Variants in PIWIL1 observed in about 807,000 individuals in gnomAD.
PIWIL1 encodes piwi-like protein 1.
Under a neutral mutation model 114.4 loss-of-function variants are expected in PIWIL1, and 73 were observed. That is an observed-to-expected ratio of 0.64 (90% CI 0.53 to 0.78). PIWIL1 has a LOEUF of 0.78. PIWIL1 is among the 30% of genes least tolerant of loss of function. The pLI is 0.00. For missense variants in PIWIL1, 723 were observed against 1,063.1 expected (o/e 0.68, Z 4.45); for synonymous variants, 375 against 369.0 (o/e 1.02, Z -0.19).
rs34275838 is a variant in PIWIL1, at chr12:130,357,502, T to G, written c.1614T>G (p.Thr538=). ...CTAGGATTGAAGTGGATGACAGAAC[T>G]GAAGCCTACTTAAGAGTCTTACAGC... ...KAIMIEVDDR[T]EAYLRVLQQK... The change falls in exon 14 of 21, where the codon ACT becomes ACG. Residue 538 remains threonine (T), a synonymous_variant. Transcript: ENST00000245255. The G allele has an allele frequency of 1.9e-6, 3 of 1,613,328 alleles. No homozygotes were observed. The highest frequency in any genetic ancestry group is 1.7e-5 in the Admixed American group (1 of 59,990).
chr12:130,392,168 T>C, the PIWIL1 span, among the ~76,000 whole-genome samples: 738 of 99,492 alleles, frequency 7.4e-3, 5 homozygotes, highest in Non-Finnish European at 9.9e-3. Context: ...GAATATTGAA[T>C]GTTGTGATGA....
At chr12:130,356,448 C>G (rs576281067) in intron 12 of PIWIL1, among the ~76,000 whole-genome samples, 3 of 152,220 alleles carry the variant, frequency 2.0e-5, no homozygotes, top group Non-Finnish European at 4.4e-5. Context: ...CGGGCTGCTC[C>G]CTGTGATGAC....
chr12:130,363,731 C>T (rs1273961932), intron 18 of PIWIL1, among the ~76,000 whole-genome samples: 2 of 150,962 alleles, frequency 1.3e-5, no homozygotes, highest in Non-Finnish European at 2.9e-5. Flanking sequence ...GATTCTCCTG[C>T]CCCAGCCTCC....
chr12:130,386,141 A>C, the PIWIL1 span, among the ~76,000 whole-genome samples: 1 of 152,158 alleles, frequency 6.6e-6, no homozygotes, highest in African/African-American at 2.4e-5. Flanking sequence ...TTTGGATGCC[A>C]TGGGAGAAGT....
At chr12:130,412,501 C>T in the PIWIL1 span, 2 of 956,732 alleles carry the variant, frequency 2.1e-6, no homozygotes, top group Non-Finnish European at 3.2e-6. Context: ...ATTTACATGA[C>T]TTTGGCATAT....
chr12:130,406,490 G>T, the PIWIL1 span, among the ~76,000 whole-genome samples: 17 of 152,278 alleles, frequency 1.1e-4, no homozygotes, highest in African/African-American at 3.8e-4. Context: ...CAAAATTCAA[G>T]ATTATTACCA....
At chr12:130,393,581 C>T in the PIWIL1 span, among the ~76,000 whole-genome samples, 8 of 152,276 alleles carry the variant, frequency 5.3e-5, no homozygotes, top group South Asian at 2.1e-4. Flanking sequence ...ACCATCCTCA[C>T]GTGTGTGTGT....
chr12:130,345,682 A>C, intron 3 of PIWIL1, 71 bp from the exon 4 acceptor site: 1 of 1,513,226 alleles, frequency 6.6e-7, no homozygotes. Context: ...ACATAATAGC[A>C]CTATGGGAGT....
the PIWIL1 span, among the ~76,000 whole-genome samples, chr12:130,402,769 C>T: frequency 3.9e-5 from 6 of 152,342 alleles, no homozygotes; most frequent in Non-Finnish European, 7.3e-5. Context: ...GTCAGTGAGA[C>T]ATCCACTCGT....
At chr12:130,424,114 C>G in the PIWIL1 span, 1 of 1,166,750 alleles carries the variant, frequency 8.6e-7, no homozygotes, top group Non-Finnish European at 1.1e-6. This position sits in a 1 kb window ranked among gnomAD's most constrained non-coding sequence, Gnocchi z 9.8. Context: ...TGGCAAGCGG[C>G]TGTGAAAAGG....
At chr12:130,380,466 A>G in the PIWIL1 span, among the ~76,000 whole-genome samples, 2 of 152,252 alleles carry the variant, frequency 1.3e-5, no homozygotes, top group Non-Finnish European at 2.9e-5. Context: ...TCTGAAACCA[A>G]GAGGACCACT....
intron 9 of PIWIL1, 117 bp downstream of exon 9, chr12:130,350,084 T>A: frequency 1.7e-6 from 1 of 590,748 alleles, no homozygotes; most frequent in Admixed American, 3.3e-5. Flanking sequence ...AATGTATTTG[T>A]TAGGGCAATC....
At chr12:130,352,804 G>C (rs1033203142) in intron 9 of PIWIL1, among the ~76,000 whole-genome samples, 5 of 152,120 alleles carry the variant, frequency 3.3e-5, no homozygotes, top group Admixed American at 6.5e-5. Flanking sequence ...GGGTGAGAGA[G>C]GACACATTTC....
At chr12:130,414,975 C>A in the PIWIL1 span, among the ~76,000 whole-genome samples, 2 of 152,214 alleles carry the variant, frequency 1.3e-5, no homozygotes, top group East Asian at 3.9e-4. Flanking sequence ...TACCAACATA[C>A]AAAGAAGAGC....
chr12:130,391,764 G>A, the PIWIL1 span, among the ~76,000 whole-genome samples: 1 of 147,946 alleles, frequency 6.8e-6, no homozygotes, highest in East Asian at 2.0e-4. Context: ...GCCAGAGAGG[G>A]GTGAGGATGC....
At chr12:130,424,913 A>T in the PIWIL1 span, 1 of 1,068,166 alleles carries the variant, frequency 9.4e-7, no homozygotes, top group Non-Finnish European at 1.2e-6. This position sits in a 1 kb window ranked among gnomAD's most constrained non-coding sequence, Gnocchi z 9.8. Context: ...GGTCAGCATG[A>T]AGTGGGGGCC....
chr12:130,350,346 T>TA (rs777234436), intron 9 of PIWIL1, among the ~76,000 whole-genome samples: 26 of 152,328 alleles, frequency 1.7e-4, no homozygotes, highest in Admixed American at 3.3e-4. Flanking sequence ...GGGTAGGAAT[T>TA]AAAGATCTTT....
chr12:130,412,561 G>A, the PIWIL1 span: 27 of 1,500,138 alleles, frequency 1.8e-5, no homozygotes, highest in African/African-American at 1.4e-4. Context: ...CTCTCTGAGC[G>A]GCAGGTGTTT....
the PIWIL1 span, among the ~76,000 whole-genome samples, chr12:130,421,394 A>C: frequency 6.6e-6 from 1 of 152,218 alleles, no homozygotes. Flanking sequence ...ACATAAACAC[A>C]ATCTAAAAGC....
Sources: gnomAD v4.1 joint callset for allele counts (sites outside exome capture counted in the v4.1 genomes callset) on GRCh38, gnomAD v4.1.1 for gene constraint, Gnocchi (gnomAD v3.1) non-coding constraint, MANE v1.5 for transcripts, NCBI Gene and HGNC (gene_info 2026-07-23, HGNC 2026-07-21) for gene names.